The following CALCRL variants were observed in gnomAD, a reference collection of about 807,000 sequenced individuals.
The protein encoded by CALCRL is calcitonin gene-related peptide type 1 receptor.
Under a neutral mutation model 60.4 loss-of-function variants are expected in CALCRL, and 27 were observed. The ratio of observed to expected loss-of-function variants is 0.45; its 90% confidence interval spans 0.33 to 0.62. The LOEUF (loss-of-function observed/expected upper bound fraction) is 0.62, where lower values mean the gene tolerates loss of function less well. Ranked by LOEUF, CALCRL falls within the 20% of genes least tolerant of loss-of-function variation. The pLI, the probability that CALCRL is intolerant of heterozygous loss-of-function variation, is 0.03. For synonymous variants in CALCRL, 190 were observed against 182.6 expected (o/e 1.04, Z -0.33); for missense variants, 424 against 540.7 (o/e 0.78, Z 2.14).
At chr2:187,439,000 T>C (rs1690772565) in intron 1 of CALCRL, among the ~76,000 whole-genome samples, 1 of 152,206 alleles carries the variant, frequency 6.6e-6, no homozygotes, top group African/African-American at 2.4e-5. Context: ...CAATATCCAG[T>C]TTTCTGTGAT....
At chr2:187,406,187 C>CAAAAA in intron 1 of CALCRL, among the ~76,000 whole-genome samples, 1 of 143,392 alleles carries the variant, frequency 7.0e-6, no homozygotes, top group Middle Eastern at 3.3e-3. Context: ...CAAACACAAC[C>CAAAAA]AAAAAAAAAA....
intron 8 of CALCRL, among the ~76,000 whole-genome samples, chr2:187,375,029 T>A (rs1175787536): frequency 2.0e-5 from 3 of 151,858 alleles, no homozygotes; most frequent in African/African-American, 7.3e-5. Flanking sequence ...TCCCAGCACT[T>A]TGGGAGGCCG....
chr2:187,407,280 AATTAAC>A (rs1439620039), intron 1 of CALCRL, among the ~76,000 whole-genome samples: 2 of 152,130 alleles, frequency 1.3e-5, no homozygotes, highest in African/African-American at 4.8e-5. Context: ...TAGTGATGAT[AATTAAC>A]ATTGTTTTAT....
At chr2:187,374,251 G>C (rs1687650415) in intron 8 of CALCRL, among the ~76,000 whole-genome samples, 1 of 152,086 alleles carries the variant, frequency 6.6e-6, no homozygotes, top group Admixed American at 6.6e-5. Flanking sequence ...TGCTATACAT[G>C]AGTTTTACTT....
chr2:187,376,062 T>G (rs1687744033), intron 8 of CALCRL, among the ~76,000 whole-genome samples: 1 of 152,124 alleles, frequency 6.6e-6, no homozygotes, highest in South Asian at 2.1e-4. Flanking sequence ...AGATAACTCT[T>G]TCATTCTAAT....
chr2:187,379,029 A>C lies in CALCRL; in HGVS notation c.411T>G (p.Thr137=). 1 of 1,592,602 alleles carries C rather than the reference A, an allele frequency of 6.3e-7. No homozygotes were observed. The highest frequency in any genetic ancestry group is 1.1e-5 in the South Asian group (1 of 89,372). ...CNVNTHEKVK[T]ALNLFYLTII... ...TGGTCAGGTAAAACAAATTTAGTGC[A>C]GTCTGTAATTTGTATAAACAAAAAA... Residue 137 remains threonine, a splice_region_variant and synonymous_variant, in exon 8 of 15, where the codon ACT becomes ACG. Transcript: ENST00000392370.
At position 187,387,410 on chromosome 2, in the gene CALCRL, G is replaced by A. The variant is rs1408851679; in HGVS notation, c.-118C>T. The A allele has an allele frequency of 5.3e-6, 1 of 188,386 alleles. No homozygotes were observed. The highest frequency in any genetic ancestry group is 6.1e-5 in the Admixed American group (1 of 16,406). The allele number at this position is 188,386 out of a possible 1,614,324, so 11.7% of individuals were successfully genotyped here. On this transcript the variant is annotated 5_prime_UTR_variant, in exon 3 of 15. Transcript: ENST00000392370. ...TTGAAGTTTGCAGCAGTCTTGTCAAGTTGTAGTAGTTTTCTTTTTAGTGGT... is the reference window on the plus strand; with the variant it reads ...TTGAAGTTTGCAGCAGTCTTGTCAAATTGTAGTAGTTTTCTTTTTAGTGGT...
chr2:187,421,801 T>C (rs915383722), intron 1 of CALCRL, among the ~76,000 whole-genome samples: 3 of 152,230 alleles, frequency 2.0e-5, no homozygotes. Flanking sequence ...CAGTGTCCAG[T>C]AAGCATAGAC....
At chr2:187,408,216 A>G (rs1016181264) in intron 1 of CALCRL, among the ~76,000 whole-genome samples, 2 of 152,082 alleles carry the variant, frequency 1.3e-5, no homozygotes, top group African/African-American at 4.8e-5. Flanking sequence ...AATTTACTTC[A>G]GATATACGTG....
At chr2:187,443,267 T>C (rs1429965765) in intron 1 of CALCRL, among the ~76,000 whole-genome samples, 1 of 151,816 alleles carries the variant, frequency 6.6e-6, no homozygotes, top group Non-Finnish European at 1.5e-5. Flanking sequence ...AATAAAATTT[T>C]GCATAGAAAC....
chr2:187,352,388 C>A, intron 12 of CALCRL, 56 bp from the exon 13 acceptor site: 3 of 1,005,874 alleles, frequency 3.0e-6, no homozygotes, highest in Non-Finnish European at 4.6e-6. Flanking sequence ...TATTAAGAAG[C>A]ATTATTCAAG....
At chr2:187,362,800 CTG>C (rs1326497061) in intron 9 of CALCRL, among the ~76,000 whole-genome samples, 2 of 152,036 alleles carry the variant, frequency 1.3e-5, no homozygotes, top group Admixed American at 1.3e-4. Context: ...AGACTGAACA[CTG>C]TAGTTTTTAA....
In CALCRL at chr2:187,380,921, A is replaced by G. The variant is rs572941738; in HGVS notation, c.185-134T>C. ...AAATGCAGACATTATATGAAAATCTATATATAGAAATTATTTGGCTTCCCA... is the reference window on the plus strand; with the variant it reads ...AAATGCAGACATTATATGAAAATCTGTATATAGAAATTATTTGGCTTCCCA... On this transcript the variant is annotated intron_variant, in intron 5 of 14. Transcript: ENST00000392370. The G allele has an allele frequency of 1.4e-5, 6 of 441,438 alleles. No individual in the cohort carries two copies. The South Asian group carries it at 2.6e-4, about 19-fold the overall frequency. 27.3% of individuals were successfully genotyped at this position (441,438 alleles called of 1,614,324 possible).
At chr2:187,419,400 CAG>C (rs1689771097) in intron 1 of CALCRL, among the ~76,000 whole-genome samples, 1 of 151,868 alleles carries the variant, frequency 6.6e-6, no homozygotes, top group Admixed American at 6.6e-5. Context: ...CCTCTGCAAA[CAG>C]AGAAGAGAGG....
intron 3 of CALCRL, 25 bp from the exon 4 acceptor site, chr2:187,385,656 T>G (rs1688175735): frequency 4.4e-6 from 5 of 1,139,486 alleles, no homozygotes; most frequent in Non-Finnish European, 2.5e-6. Flanking sequence ...AAAAGAAATA[T>G]AATTCATCAA....
intron 5 of CALCRL, among the ~76,000 whole-genome samples, chr2:187,381,260 C>T (rs958405111): frequency 6.6e-6 from 1 of 152,046 alleles, no homozygotes; most frequent in Non-Finnish European, 1.5e-5. Flanking sequence ...CTGAAAGATA[C>T]TTATTTAGGC....
At chr2:187,349,899 C>G (rs2105691050) in intron 14 of CALCRL, among the ~76,000 whole-genome samples, 1 of 151,694 alleles carries the variant, frequency 6.6e-6, no homozygotes, top group South Asian at 2.1e-4. Flanking sequence ...AGTGATTTGA[C>G]AAATCAAATA....
chr2:187,429,030 C>G (rs1283703588), intron 1 of CALCRL: 1 of 151,690 alleles, frequency 6.6e-6, no homozygotes, highest in Non-Finnish European at 1.5e-5. Flanking sequence ...AAAAATTGAT[C>G]TATTAAATGA....
intron 8 of CALCRL, among the ~76,000 whole-genome samples, chr2:187,366,829 C>G (rs1006230223): frequency 1.3e-5 from 2 of 151,360 alleles, no homozygotes; most frequent in Admixed American, 6.6e-5. Flanking sequence ...TTACCCTGCT[C>G]CCACCTCAAT....
Sources: allele counts gnomAD v4.1 joint callset (sites outside exome capture counted in the v4.1 genomes callset), GRCh38; gene constraint gnomAD v4.1.1; transcripts MANE v1.5; gene names NCBI Gene and HGNC (gene_info 2026-07-23, HGNC 2026-07-21).